The following PRDM16 variants were observed in gnomAD, a reference collection of about 807,000 sequenced individuals.
The protein encoded by PRDM16 is PR/SET domain 16.
Under a neutral mutation model 110.6 loss-of-function variants are expected in PRDM16, and 23 were observed. The observed-to-expected ratio is 0.21, with a 90% CI of 0.15 to 0.29. The LOEUF (loss-of-function observed/expected upper bound fraction) is 0.29, where lower values mean the gene tolerates loss of function less well. Ranked by LOEUF, PRDM16 falls within the 10% of genes least tolerant of loss-of-function variation. The probability of loss-of-function intolerance (pLI) is 1.00; values close to 1 mark genes in which losing one functional copy is unlikely to be tolerated. For synonymous variants in PRDM16, 799 were observed against 781.8 expected (o/e 1.02, Z -0.37); for missense variants, 1,615 against 1,794.3 (o/e 0.90, Z 1.81).
intron 9 of PRDM16, among the ~76,000 whole-genome samples, chr1:3,413,301 G>T (rs1643726040): frequency 6.6e-6 from 1 of 152,138 alleles, no homozygotes; most frequent in Non-Finnish European, 1.5e-5. Flanking sequence ...TGGGGAGGGG[G>T]TGTCTTTCTG....
intron 2 of PRDM16, among the ~76,000 whole-genome samples, chr1:3,231,412 T>C (rs1639409130): frequency 6.6e-6 from 1 of 150,516 alleles, no homozygotes; most frequent in Non-Finnish European, 1.5e-5. Flanking sequence ...CGTCTCCCCT[T>C]CTCCGTCGTC....
chr1:3,114,339 CGCACGCAT>C (rs1460206877), intron 1 of PRDM16, among the ~76,000 whole-genome samples: 7 of 145,398 alleles, frequency 4.8e-5, no homozygotes, highest in African/African-American at 1.5e-4. Flanking sequence ...TAAACAGACG[CGCACGCAT>C]GCACACATGC....
chr1:3,390,334 C>T lies in PRDM16; in HGVS notation c.573+5048C>T, dbSNP rs923834457. ...CAAACACAAATGTCGGGGAGCTGGACTCAGGGGTGCGGGCCCCCCAGCGTA... is the reference window on the plus strand; with the variant it reads ...CAAACACAAATGTCGGGGAGCTGGATTCAGGGGTGCGGGCCCCCCAGCGTA... On this transcript the variant is annotated intron_variant, in intron 4 of 16. Coordinates refer to ENST00000270722, the MANE Select transcript of PRDM16 (RefSeq NM_022114.4). The surrounding 1 kb of genome is among the most constrained non-coding windows in gnomAD (Gnocchi z 5.0). Among the ~76,000 whole-genome samples, 11 of 152,258 alleles carry T rather than the reference C, an allele frequency of 7.2e-5. No homozygotes were observed. The highest frequency in any genetic ancestry group is 3.3e-4 in the Admixed American group (5 of 15,304).
At position 3,426,179 on chromosome 1, in the gene PRDM16, A is replaced by G. The variant is rs972780716; in HGVS notation, c.3238A>G (p.Ile1080Val). Residue 1080 changes from isoleucine to valine, a missense_variant, in exon 14 of 17, where the codon ATT becomes GTT. Transcript: ENST00000270722. ...TTATTTCTCGGAAATCAGAAACTTTATTGCCAATAGTGAGATGAACCAAGC... is the reference window on the plus strand; with the variant it reads ...TTATTTCTCGGAAATCAGAAACTTTGTTGCCAATAGTGAGATGAACCAAGC... ...DSYFSEIRNF[I>V]ANSEMNQAST... 3 of 1,613,866 alleles carry G rather than the reference A, an allele frequency of 1.9e-6. No homozygotes were observed. The highest frequency in any genetic ancestry group is 2.5e-6 in the Non-Finnish European group (3 of 1,179,884).
At chr1:3,282,759 G>A (rs1054812155) in intron 3 of PRDM16, among the ~76,000 whole-genome samples, 1 of 152,132 alleles carries the variant, frequency 6.6e-6, no homozygotes, top group African/African-American at 2.4e-5. Context: ...CCCTAGGGAG[G>A]AGACACTGTT....
chr1:3,400,919 GACGGCACCAAAA>G (rs1390199172), intron 5 of PRDM16, among the ~76,000 whole-genome samples: 1 of 152,132 alleles, frequency 6.6e-6, no homozygotes, highest in Non-Finnish European at 1.5e-5. Context: ...TCTGTCCAAA[GACGGCACCAAAA>G]ATCACATCTG....
In PRDM16 at chr1:3,069,219, T is replaced by C; in HGVS notation, c.-41T>C. On this transcript the variant is annotated 5_prime_UTR_variant, in exon 1 of 17. Transcript: ENST00000270722. This position sits in a 1 kb window ranked among gnomAD's most constrained non-coding sequence, Gnocchi z 6.1. ...GATGAAGATAGTGTGTGGCTGCTTCTGGACTCAAGGAGGAGGAGAGAGATT... is the reference window on the plus strand; with the variant it reads ...GATGAAGATAGTGTGTGGCTGCTTCCGGACTCAAGGAGGAGGAGAGAGATT... 1 of 1,568,584 alleles carries C rather than the reference T, an allele frequency of 6.4e-7. No individual in the cohort carries two copies. Among genetic ancestry groups the C allele is most frequent in the African/African-American group, 1.4e-5 (1 of 72,500 alleles).
chr1:3,402,833 A>G lies in PRDM16; in HGVS notation c.719A>G (p.Gln240Arg). The change falls in exon 6 of 17, where the codon CAG becomes CGG. Residue 240 changes from glutamine (Q) to arginine (R), a missense_variant. Gln to Arg is a conservative substitution (Grantham distance 43). Transcript: ENST00000270722. ...TGTGACGAGTGTGACGAACTCTTCC[A>G]GTCCAAGCTGGACCTGCGGCGCCAT... is the stretch of plus-strand genomic sequence containing the variant. ...FRCDECDELFQSKLDLRRHKK... is the reference protein window; with the variant it reads ...FRCDECDELFRSKLDLRRHKK... 6.2e-7 allele frequency: 1 copy of G among 1,613,024 alleles called. No homozygotes were observed. Among genetic ancestry groups the G allele is most frequent in the Non-Finnish European group, 8.5e-7 (1 of 1,179,904 alleles).
In PRDM16 at chr1:3,435,703, T is replaced by G. The variant is rs557987377; in HGVS notation, c.*1892T>G. Reference sequence around the variant, plus strand: ...AGGCTTTGTGTCACGCGTGGACATCTCCTCAGGCTGTCCCCAGCGGTGACG... The same window carrying G: ...AGGCTTTGTGTCACGCGTGGACATCGCCTCAGGCTGTCCCCAGCGGTGACG... On this transcript the variant is annotated 3_prime_UTR_variant, in exon 17 of 17. Transcript: ENST00000270722. The G allele has an allele frequency of 4.3e-6, 1 of 232,502 alleles. No individual in the cohort carries two copies. The highest frequency in any genetic ancestry group is 8.5e-6 in the Non-Finnish European group (1 of 117,702). 14.4% of individuals were successfully genotyped at this position (232,502 alleles called of 1,614,324 possible).
chr1:3,285,845 C>T (rs1569994441), intron 3 of PRDM16, among the ~76,000 whole-genome samples: 1 of 152,208 alleles, frequency 6.6e-6, no homozygotes, highest in East Asian at 1.9e-4. Flanking sequence ...CTTCTCAGAC[C>T]CCAGGGTAGG....
rs1000162547 is a variant in PRDM16, at chr1:3,353,404, C to T, written c.439-31748C>T. 9.9e-5 allele frequency among the ~76,000 whole-genome samples: 15 copies of T among 152,246 alleles called. No homozygotes were observed. Among genetic ancestry groups the T allele is most frequent in the Middle Eastern group, 3.4e-3 (1 of 294 alleles). On this transcript the variant is annotated intron_variant, in intron 3 of 16. Coordinates refer to ENST00000270722, the MANE Select transcript of PRDM16 (RefSeq NM_022114.4). The surrounding 1 kb of genome is among the most constrained non-coding windows in gnomAD (Gnocchi z 5.4). ...TTCTTGCCACATCTGAAATTGGACC[C>T]GAATGCGCATGGGGACACCATCCTG... is the stretch of plus-strand genomic sequence containing the variant.
At chr1:3,340,543 G>A (rs1258100668) in intron 3 of PRDM16, among the ~76,000 whole-genome samples, 2 of 152,106 alleles carry the variant, frequency 1.3e-5, no homozygotes, top group African/African-American at 2.4e-5. Context: ...TACCATCTAC[G>A]TTTTTCCCCC....
At chr1:3,103,706 C>T (rs1402145427) in intron 1 of PRDM16, among the ~76,000 whole-genome samples, 1 of 152,120 alleles carries the variant, frequency 6.6e-6, no homozygotes, top group Admixed American at 6.5e-5. Flanking sequence ...TCTGAGAAGC[C>T]GCATGAGCTT....
intron 3 of PRDM16, among the ~76,000 whole-genome samples, chr1:3,306,076 G>A (rs891101291): frequency 2.0e-5 from 3 of 152,194 alleles, no homozygotes; most frequent in Admixed American, 6.5e-5. Context: ...GGTTGTGAAC[G>A]GTTCTAACCA....
chr1:3,169,887 CG>C, intron 1 of PRDM16, among the ~76,000 whole-genome samples: 1 of 152,326 alleles, frequency 6.6e-6, no homozygotes, highest in East Asian at 1.9e-4. Flanking sequence ...TGATTAATAG[CG>C]GGGGGACTGT....
At chr1:3,168,335 T>C (rs57408622) in intron 1 of PRDM16, among the ~76,000 whole-genome samples, 3 of 79,842 alleles carry the variant, frequency 3.8e-5, no homozygotes, top group East Asian at 3.8e-4. Context: ...ATCGCCCCCG[T>C]TCCCATGCAG....
intron 1 of PRDM16, among the ~76,000 whole-genome samples, chr1:3,176,061 A>ATCC (rs1644082524): frequency 4.0e-5 from 6 of 151,782 alleles, no homozygotes; most frequent in Admixed American, 1.3e-4. Flanking sequence ...CCATCCATCC[A>ATCC]ACCATCCATC....
chr1:3,413,320 G>A (rs920198803), intron 9 of PRDM16, among the ~76,000 whole-genome samples: 13 of 152,042 alleles, frequency 8.6e-5, no homozygotes, highest in African/African-American at 1.9e-4. Flanking sequence ...TGGGGGCCCC[G>A]GGGGAATCAG....
At chr1:3,414,160 C>T (rs1272462659) in intron 9 of PRDM16, among the ~76,000 whole-genome samples, 2 of 152,202 alleles carry the variant, frequency 1.3e-5, no homozygotes, top group East Asian at 3.9e-4. Context: ...CAGGGCTGAC[C>T]GGCCAGTTAG....
Sources: gnomAD v4.1 joint callset for allele counts (sites outside exome capture counted in the v4.1 genomes callset) on GRCh38, gnomAD v4.1.1 for gene constraint, Gnocchi (gnomAD v3.1) non-coding constraint, MANE v1.5 for transcripts, NCBI Gene and HGNC (gene_info 2026-07-23, HGNC 2026-07-21) for gene names.